Variants in USP6NL observed in about 807,000 individuals in gnomAD.
The protein encoded by USP6NL is USP6 N-terminal-like protein.
In USP6NL, 26 loss-of-function variants were observed where a neutral mutation model predicts 61.9. The observed-to-expected ratio is 0.42, with a 90% CI of 0.31 to 0.58. USP6NL has a LOEUF of 0.58. Ranked by LOEUF, USP6NL falls within the 20% of genes least tolerant of loss-of-function variation. USP6NL has a pLI of 0.16. For missense variants in USP6NL, 1,114 were observed against 1,034.3 expected (o/e 1.08, Z -1.06); for synonymous variants, 432 against 390.1 (o/e 1.11, Z -1.27).
intron 14 of USP6NL, among the ~76,000 whole-genome samples, chr10:11,469,420 C>T (rs1832631405): frequency 1.3e-5 from 2 of 152,138 alleles, no homozygotes; most frequent in South Asian, 2.1e-4. Flanking sequence ...ATCCATATTG[C>T]TAAGAAATTA....
At chr10:11,544,382 C>T (rs1048282581) in intron 2 of USP6NL, among the ~76,000 whole-genome samples, 5 of 152,148 alleles carry the variant, frequency 3.3e-5, no homozygotes, top group Non-Finnish European at 7.3e-5. Context: ...GATCTGCCAT[C>T]CTTCTCACTG....
chr10:11,563,839 C>T (rs929405713), intron 2 of USP6NL: 5 of 152,168 alleles, frequency 3.3e-5, no homozygotes, highest in Non-Finnish European at 7.3e-5. Context: ...CAGACGACTC[C>T]CAGCCCCTGA....
rs1833715615 is a variant in USP6NL at position 11,491,728 on chromosome 10, G to C, written c.495-848C>G. ...TACTAGTATCACTGAGCCCTGTGATGAAAGTCAATGGAAAACTACCAATTC... is the reference window on the plus strand; with the variant it reads ...TACTAGTATCACTGAGCCCTGTGATCAAAGTCAATGGAAAACTACCAATTC... On this transcript the variant is annotated intron_variant, in intron 8 of 14. Coordinates refer to ENST00000609104, the MANE Select transcript of USP6NL (RefSeq NM_014688.5). This position sits in a 1 kb window ranked among gnomAD's most constrained non-coding sequence, Gnocchi z 4.7. Among the ~76,000 whole-genome samples the C allele has an allele frequency of 6.6e-6, 1 of 152,210 alleles. No homozygotes were observed. The highest frequency in any genetic ancestry group is 2.4e-5 in the African/African-American group (1 of 41,456).
At position 11,474,536 on chromosome 10, in the gene USP6NL, C is replaced by T. The variant is rs537981743; in HGVS notation, c.1078+7234G>A. On this transcript the variant is annotated intron_variant, in intron 14 of 14. Transcript: ENST00000609104. The surrounding 1 kb of genome is among the most constrained non-coding windows in gnomAD (Gnocchi z 4.9). ...AACCAAACATTAAAGTTCCATTAGA[C>T]GAGAATGTTAAAATTTGCCAGATTT... is the stretch of plus-strand genomic sequence containing the variant. 1.3e-5 allele frequency among the ~76,000 whole-genome samples: 2 copies of T among 152,152 alleles called. No homozygotes were observed. The highest frequency in any genetic ancestry group is 2.1e-4 in the South Asian group (1 of 4,820).
chr10:11,558,955 C>G (rs1439285237), intron 2 of USP6NL, among the ~76,000 whole-genome samples: 1 of 152,050 alleles, frequency 6.6e-6, no homozygotes, highest in Non-Finnish European at 1.5e-5. Flanking sequence ...AATTTTTAAC[C>G]TACTTTTGAA....
Position 11,489,181 on chromosome 10 carries a change from T to A in USP6NL, c.585A>T (p.Leu195Phe). Reference protein sequence around the residue: ...YCQGMSQITALLLMYMNEEDA... With the variant: ...YCQGMSQITAFLLMYMNEEDA... Reference sequence around the variant, plus strand: ...CTTCCTCGTTCATATACATGAGGAGTAAAGCTGTGATCTGGCTCATCCCCT... The same window carrying A: ...CTTCCTCGTTCATATACATGAGGAGAAAAGCTGTGATCTGGCTCATCCCCT... The change falls in exon 10 of 15, where the codon TTA (leucine) becomes TTT (phenylalanine). Residue 195 changes from leucine to phenylalanine, a missense_variant. Physicochemically the swap from Leu to Phe is conservative, Grantham distance 22. Transcript: ENST00000609104. This position sits in a 1 kb window ranked among gnomAD's most constrained non-coding sequence, Gnocchi z 5.7. The A allele has an allele frequency of 6.2e-7, 1 of 1,613,692 alleles. No homozygotes were observed. The highest frequency in any genetic ancestry group is 1.1e-5 in the South Asian group (1 of 91,046).
intron 2 of USP6NL, among the ~76,000 whole-genome samples, chr10:11,543,392 A>T (rs1400301318): frequency 6.6e-6 from 1 of 151,990 alleles, no homozygotes; most frequent in Non-Finnish European, 1.5e-5. Context: ...AACACAAAAA[A>T]TTAGCCAGGC....
In USP6NL at chr10:11,476,805, G is replaced by T. The variant is rs1832983974; in HGVS notation, c.1078+4965C>A. 6.6e-6 allele frequency among the ~76,000 whole-genome samples: 1 copy of T among 152,110 alleles called. No individual in the cohort carries two copies. Among genetic ancestry groups the T allele is most frequent in the South Asian group, 2.1e-4 (1 of 4,824 alleles). On this transcript the variant is annotated intron_variant, in intron 14 of 14. Coordinates refer to ENST00000609104, the MANE Select transcript of USP6NL (RefSeq NM_014688.5). This position sits in a 1 kb window ranked among gnomAD's most constrained non-coding sequence, Gnocchi z 4.3. ...ACATGAATACAGCAAAAGAAGACAT[G>T]CCTTTCAACACTTTTACAAACCACC...
In USP6NL at chr10:11,476,972, A is replaced by T. The variant is rs994783858; in HGVS notation, c.1078+4798T>A. On this transcript the variant is annotated intron_variant, in intron 14 of 14. Coordinates refer to ENST00000609104, the MANE Select transcript of USP6NL (RefSeq NM_014688.5). This position sits in a 1 kb window ranked among gnomAD's most constrained non-coding sequence, Gnocchi z 4.3. ...CTGCAACCTCCGCCTCCCAGGTTCA[A>T]GCAATCCTCCTGCCTCAGCCTCCCG... is the stretch of plus-strand genomic sequence containing the variant. 6.6e-6 allele frequency among the ~76,000 whole-genome samples: 1 copy of T among 152,180 alleles called. No individual in the cohort carries two copies. Among genetic ancestry groups the T allele is most frequent in the Non-Finnish European group, 1.5e-5 (1 of 68,036 alleles).
chr10:11,493,654 T>A (rs1244153730), intron 7 of USP6NL, among the ~76,000 whole-genome samples: 1 of 152,250 alleles, frequency 6.6e-6, no homozygotes, highest in Non-Finnish European at 1.5e-5. Context: ...GTTTCCCACC[T>A]AATTCAATCC....
At position 11,463,386 on chromosome 10, in the gene USP6NL, C is replaced by G. The variant is rs772916966; in HGVS notation, c.1542G>C (p.Ala514=). 1.9e-6 allele frequency: 3 copies of G among 1,613,894 alleles called. No homozygotes were observed. The highest frequency in any genetic ancestry group is 2.5e-6 in the Non-Finnish European group (3 of 1,179,916). ...MEGKGRAAHP[A]LAVTVPGPAE... is the part of the protein sequence containing the mutation. ...CAGGACCTGGGACGGTAACTGCGAGCGCGGGGTGCGCTGCTCGACCTTTGC... is the reference window on the plus strand; with the variant it reads ...CAGGACCTGGGACGGTAACTGCGAGGGCGGGGTGCGCTGCTCGACCTTTGC... The change falls in exon 15 of 15, where the codon GCG becomes GCC. Residue 514 remains alanine (A), a synonymous_variant. Coordinates refer to ENST00000609104, the MANE Select transcript of USP6NL (RefSeq NM_014688.5). This position sits in a 1 kb window ranked among gnomAD's most constrained non-coding sequence, Gnocchi z 6.3.
Position 11,600,807 on chromosome 10 carries a change from A to C in USP6NL, c.-83-3090T>G, listed in dbSNP as rs986864912. Among the ~76,000 whole-genome samples the C allele has an allele frequency of 2.6e-5, 4 of 152,140 alleles. No individual in the cohort carries two copies. The highest frequency in any genetic ancestry group is 9.7e-5 in the African/African-American group (4 of 41,422). On this transcript the variant is annotated intron_variant, in intron 1 of 14. Coordinates refer to ENST00000609104, the MANE Select transcript of USP6NL (RefSeq NM_014688.5). The surrounding 1 kb of genome is among the most constrained non-coding windows in gnomAD (Gnocchi z 4.1). Reference sequence around the variant, plus strand: ...ACATGGTGAAACCCTGTCTCTACTAAAAATATAAAAATTAGCTGGGCGTGG... The same window carrying C: ...ACATGGTGAAACCCTGTCTCTACTACAAATATAAAAATTAGCTGGGCGTGG...
In USP6NL at chr10:11,496,310, T is replaced by A. The variant is rs138769751; in HGVS notation, c.385-3082A>T. Reference sequence around the variant, plus strand: ...CCTCCACTTCCAGAGGTTCCTGCAGTTGGCAATTACCAAGCCTTACGGAGA... The same window carrying A: ...CCTCCACTTCCAGAGGTTCCTGCAGATGGCAATTACCAAGCCTTACGGAGA... On this transcript the variant is annotated intron_variant, in intron 7 of 14. Coordinates refer to ENST00000609104, the MANE Select transcript of USP6NL (RefSeq NM_014688.5). The surrounding 1 kb of genome is among the most constrained non-coding windows in gnomAD (Gnocchi z 5.4). Among the ~76,000 whole-genome samples the A allele has an allele frequency of 6.6e-6, 1 of 152,352 alleles. No individual in the cohort carries two copies. The highest frequency in any genetic ancestry group is 2.4e-5 in the African/African-American group (1 of 41,582).
At position 11,481,686 on chromosome 10, in the gene USP6NL, G is replaced by T; in HGVS notation, c.1078+84C>A. ...ATCACAAGTATAATGCTTACGCTGT[G>T]GGCAAGAAACAGCCCATGTTAATTA... On this transcript the variant is annotated intron_variant, in intron 14 of 14. Transcript: ENST00000609104. The surrounding 1 kb of genome is among the most constrained non-coding windows in gnomAD (Gnocchi z 4.4). 7.1e-7 allele frequency: 1 copy of T among 1,408,242 alleles called. No homozygotes were observed. Among genetic ancestry groups the T allele is most frequent in the South Asian group, 1.6e-5 (1 of 63,470 alleles). 87.2% of individuals were successfully genotyped at this position (1,408,242 alleles called of 1,614,324 possible).
At chr10:11,493,396 C>T (rs1039039768) in intron 7 of USP6NL, among the ~76,000 whole-genome samples, 168 bp from the exon 8 acceptor site, 7 of 152,130 alleles carry the variant, frequency 4.6e-5, no homozygotes, top group Admixed American at 2.0e-4. Context: ...GAAACTTTCC[C>T]TCCCCTCCAT....
intron 6 of USP6NL, among the ~76,000 whole-genome samples, chr10:11,508,698 G>C (rs1834564175): frequency 6.6e-6 from 1 of 152,182 alleles, no homozygotes. Context: ...GTGACGAGAC[G>C]GGAAGTGCAT....
At chr10:11,507,482 C>G (rs972447872) in intron 6 of USP6NL, among the ~76,000 whole-genome samples, 1 of 152,124 alleles carries the variant, frequency 6.6e-6, no homozygotes, top group African/African-American at 2.4e-5. Flanking sequence ...AATGAACTCA[C>G]CCCTGATGAA....
chr10:11,603,183 G>C (rs1160027632), intron 1 of USP6NL, among the ~76,000 whole-genome samples: 1 of 152,140 alleles, frequency 6.6e-6, no homozygotes, highest in Non-Finnish European at 1.5e-5. Context: ...ATGTTAATGA[G>C]GCATGAGATA....
At chr10:11,571,581 C>T (rs1837363659) in intron 2 of USP6NL, among the ~76,000 whole-genome samples, 1 of 151,874 alleles carries the variant, frequency 6.6e-6, no homozygotes, top group African/African-American at 2.4e-5. Flanking sequence ...AATATGAATA[C>T]AATACTTAGA....
Sources: allele counts gnomAD v4.1 joint callset (sites outside exome capture counted in the v4.1 genomes callset), GRCh38; gene constraint gnomAD v4.1.1; non-coding constraint Gnocchi (gnomAD v3.1); transcripts MANE v1.5; gene names NCBI Gene and HGNC (gene_info 2026-07-23, HGNC 2026-07-21).